CR1L: variants seen among roughly 807,000 people sequenced by gnomAD.
The protein encoded by CR1L is complement C3b/C4b receptor 1 like.
In CR1L, 59 loss-of-function variants were observed where a neutral mutation model predicts 62.3. That is an observed-to-expected ratio of 0.95 (90% CI 0.77 to 1.18). The LOEUF is 1.18. Among genes scored for constraint, CR1L ranks in the 50% most tolerant of loss-of-function variants. The probability of loss-of-function intolerance (pLI) is 0.00; values close to 1 mark genes in which losing one functional copy is unlikely to be tolerated. For synonymous variants in CR1L, 279 were observed against 248.7 expected (o/e 1.12, Z -1.15); for missense variants, 700 against 702.8 (o/e 1.00, Z 0.04).
At chr1:207,713,616 T>A (rs567466813) in intron 10 of CR1L, among the ~76,000 whole-genome samples, 7 of 151,974 alleles carry the variant, frequency 4.6e-5, no homozygotes, top group African/African-American at 1.7e-4. Flanking sequence ...TGGGAGGGGG[T>A]GTGTGAGTGA....
intron 1 of CR1L, among the ~76,000 whole-genome samples, chr1:207,663,421 G>A (rs1020894896): frequency 5.9e-5 from 9 of 152,332 alleles, no homozygotes; most frequent in South Asian, 2.1e-4. Flanking sequence ...GCAAGACTCC[G>A]TGGGCGTAGG....
At chr1:207,715,461 G>A in intron 10 of CR1L, 1 of 1,020,072 alleles carries the variant, frequency 9.8e-7, no homozygotes, top group Non-Finnish European at 1.5e-6. Flanking sequence ...GTGTTTTACT[G>A]CACGGAATCA....
At chr1:207,646,079 G>A (rs967788532) in intron 1 of CR1L, among the ~76,000 whole-genome samples, 3 of 151,578 alleles carry the variant, frequency 2.0e-5, no homozygotes, top group African/African-American at 4.9e-5. Flanking sequence ...TGTCCGTGTT[G>A]CCTGAGATCG....
At chr1:207,650,536 G>T (rs756242561) in intron 1 of CR1L, among the ~76,000 whole-genome samples, 21 of 151,742 alleles carry the variant, frequency 1.4e-4, no homozygotes, top group Admixed American at 6.5e-4. Flanking sequence ...AGTGGGAAGT[G>T]AGAAATAAAA....
chr1:207,647,522 T>G (rs1236784080), intron 1 of CR1L, among the ~76,000 whole-genome samples: 1 of 152,230 alleles, frequency 6.6e-6, no homozygotes, highest in Non-Finnish European at 1.5e-5. Flanking sequence ...GCAGGAATCT[T>G]CTGTCTTCCC....
rs367722226 is a variant in CR1L, at chr1:207,683,997, A to G, written c.463+40A>G. On this transcript the variant is annotated intron_variant, in intron 4 of 11. Transcript: ENST00000508064. Reference sequence around the variant, plus strand: ...GCATTCCTATTTCTTTTACCGATACATTCTAATTTTTCTCTGGAATAATAA... The same window carrying G: ...GCATTCCTATTTCTTTTACCGATACGTTCTAATTTTTCTCTGGAATAATAA... 11 of 1,569,610 alleles carry G rather than the reference A, an allele frequency of 7.0e-6. No individual in the cohort carries two copies. The African/African-American group carries it at 1.5e-4, about 21-fold the overall frequency.
rs770741849 is a variant in CR1L at position 207,645,179 on chromosome 1, G to A, written c.-55G>A. The A allele has an allele frequency of 4.3e-5, 68 of 1,576,728 alleles. No individual in the cohort carries two copies. Among genetic ancestry groups the A allele is most frequent in the Non-Finnish European group, 5.6e-5 (65 of 1,150,904 alleles). On this transcript the variant is annotated 5_prime_UTR_variant, in exon 1 of 12. Coordinates refer to ENST00000508064, the MANE Select transcript of CR1L (RefSeq NM_175710.2). ...CAGAAGGGACTTCCCTGCTCGGCTG[G>A]CTTTCGGTTTCTCTGCTCACCTCCG...
At chr1:207,652,656 C>T in intron 1 of CR1L, 1 of 1,069,698 alleles carries the variant, frequency 9.3e-7, no homozygotes, top group Non-Finnish European at 1.5e-6. Flanking sequence ...AAGGACACTT[C>T]TACGTACCTC....
rs1212287043 is a variant in CR1L at position 207,723,659 on chromosome 1, T to C, written c.1684T>C (p.Phe562Leu). Reference protein sequence around the residue: ...ALIVGKFYEVFAEEFCHL With the variant: ...ALIVGKFYEVLAEEFCHL ...TATAGTTGGTAAGTTTTATGAAGTG[T>C]TTGCTGAGGAATTCTGTCATCTTTA... The change falls in exon 12 of 12, where the codon TTT becomes CTT. Residue 562 changes from phenylalanine (F) to leucine (L), a missense_variant. Coordinates refer to ENST00000508064, the MANE Select transcript of CR1L (RefSeq NM_175710.2). 39 of 1,595,990 alleles carry C rather than the reference T, an allele frequency of 2.4e-5. No individual in the cohort carries two copies. Among genetic ancestry groups the C allele is most frequent in the Non-Finnish European group, 3.2e-5 (38 of 1,169,624 alleles).
chr1:207,706,363 G>A (rs537855938), intron 9 of CR1L, among the ~76,000 whole-genome samples: 2 of 152,124 alleles, frequency 1.3e-5, no homozygotes, highest in East Asian at 3.9e-4. Context: ...TGAGGCTTCA[G>A]TGAGCCGTGA....
chr1:207,690,065 T>C (rs1663971968), intron 4 of CR1L, among the ~76,000 whole-genome samples: 2 of 152,102 alleles, frequency 1.3e-5, no homozygotes, highest in Non-Finnish European at 2.9e-5. Flanking sequence ...AAACTACTTT[T>C]AACTTTCTTG....
intron 4 of CR1L, among the ~76,000 whole-genome samples, chr1:207,686,790 G>C (rs1663918418): frequency 6.6e-6 from 1 of 152,152 alleles, no homozygotes; most frequent in Non-Finnish European, 1.5e-5. Flanking sequence ...TTACCCCTAA[G>C]GTGATGACAT....
At chr1:207,697,932 A>T in intron 7 of CR1L, 59 bp downstream of exon 7, 1 of 1,610,570 alleles carries the variant, frequency 6.2e-7, no homozygotes, top group East Asian at 2.2e-5. Flanking sequence ...AATTAGTCCA[A>T]AAAGGGGAGA....
chr1:207,676,132 C>T (rs1663687989), intron 1 of CR1L, among the ~76,000 whole-genome samples: 1 of 152,172 alleles, frequency 6.6e-6, no homozygotes, highest in Non-Finnish European at 1.5e-5. Context: ...AACACAGGCA[C>T]TTACTGATTA....
intron 1 of CR1L, among the ~76,000 whole-genome samples, chr1:207,648,572 G>C (rs1663172244): frequency 7.9e-6 from 1 of 126,932 alleles, no homozygotes; most frequent in Non-Finnish European, 1.7e-5. Context: ...AATGGTTCCA[G>C]ATAGCAGAAG....
At chr1:207,686,867 T>G (rs1170731390) in intron 4 of CR1L, among the ~76,000 whole-genome samples, 1 of 152,128 alleles carries the variant, frequency 6.6e-6, no homozygotes, top group African/African-American at 2.4e-5. Context: ...GGGATTAGCG[T>G]CCTAATAAAA....
intron 10 of CR1L, chr1:207,710,473 C>T: frequency 6.2e-7 from 1 of 1,605,152 alleles, no homozygotes; most frequent in Non-Finnish European, 8.5e-7. Context: ...TGGTGACCTA[C>T]CACTGCAATC....
At chr1:207,681,288 A>G (rs1313749261) in intron 3 of CR1L, among the ~76,000 whole-genome samples, 1 of 152,198 alleles carries the variant, frequency 6.6e-6, no homozygotes, top group Non-Finnish European at 1.5e-5. Context: ...CGAAATGATC[A>G]TGGCTTTTCC....
chr1:207,701,735 C>G, intron 9 of CR1L, 117 bp downstream of exon 9: 1 of 1,276,090 alleles, frequency 7.8e-7, no homozygotes, highest in Non-Finnish European at 1.1e-6. Context: ...GGTTTGAACA[C>G]AGGTATTAAC....
Sources: gnomAD v4.1 joint callset for allele counts (sites outside exome capture counted in the v4.1 genomes callset) on GRCh38, gnomAD v4.1.1 for gene constraint, MANE v1.5 for transcripts, NCBI Gene and HGNC (gene_info 2026-07-23, HGNC 2026-07-21) for gene names.